Variants in GMDS observed in about 807,000 individuals in gnomAD.
The protein encoded by GMDS is GDP-mannose 4,6-dehydratase.
A neutral mutation model predicts 49.9 loss-of-function variants in GMDS; 20 were observed. That is an observed-to-expected ratio of 0.40 (90% confidence interval 0.28 to 0.58). GMDS has a LOEUF of 0.58. Among genes scored for constraint, GMDS ranks in the 20% least tolerant of loss-of-function variants. The probability of loss-of-function intolerance (pLI) is 0.42; values close to 1 mark genes in which losing one functional copy is unlikely to be tolerated. For missense variants in GMDS, 362 were observed against 481.4 expected, an observed-to-expected ratio of 0.75 and a Z score of 2.32; for synonymous variants, 177 against 178.6, an observed-to-expected ratio of 0.99 and a Z score of 0.07.
chr6:1,859,103 C>A (rs1307330005), intron 7 of GMDS, among the ~76,000 whole-genome samples: 1 of 152,124 alleles, frequency 6.6e-6, no homozygotes, highest in Non-Finnish European at 1.5e-5. Flanking sequence ...TCCAGCCAGC[C>A]CTGGCAGTAG....
At chr6:1,674,560 C>CTTTTTTTTTTTTTTTTTTTTTT (rs869292549) in intron 9 of GMDS, among the ~76,000 whole-genome samples, 2 of 73,458 alleles carry the variant, frequency 2.7e-5, no homozygotes, top group East Asian at 5.4e-4. Flanking sequence ...CTCTCTCTCT[C>CTTTTTTTTTTTTTTTTTTTTTT]TTTTTTTTTT....
chr6:1,987,839 T>A (rs1275405318), intron 4 of GMDS, among the ~76,000 whole-genome samples: 1 of 152,210 alleles, frequency 6.6e-6, no homozygotes, highest in Non-Finnish European at 1.5e-5. Context: ...GTGCTTTACA[T>A]GCACTCTGCC....
At chr6:1,858,324 C>T (rs1758030674) in intron 7 of GMDS, among the ~76,000 whole-genome samples, 1 of 152,062 alleles carries the variant, frequency 6.6e-6, no homozygotes, top group South Asian at 2.1e-4. Flanking sequence ...TGTTAAAATG[C>T]CCTAGGGAAG....
intron 7 of GMDS, among the ~76,000 whole-genome samples, chr6:1,879,590 T>C (rs1000444531): frequency 1.3e-5 from 2 of 152,202 alleles, no homozygotes; most frequent in African/African-American, 2.4e-5. Flanking sequence ...AAAGGTTTTT[T>C]TTTTTTTAAA....
chr6:1,624,336 A>G (rs1581381305), intron 10 of GMDS, 105 bp from the exon 11 acceptor site: 2 of 1,300,994 alleles, frequency 1.5e-6, no homozygotes, highest in African/African-American at 2.9e-5. Flanking sequence ...CCCTCGTTCC[A>G]GCTCCCCTCA....
chr6:2,082,720 G>T (rs776952536), intron 4 of GMDS, among the ~76,000 whole-genome samples: 4 of 152,218 alleles, frequency 2.6e-5, no homozygotes, highest in Non-Finnish European at 4.4e-5. Context: ...ATTGCACACT[G>T]TAAGAACATA....
At chr6:2,134,051 G>A (rs1266111450) in intron 1 of GMDS, among the ~76,000 whole-genome samples, 2 of 152,276 alleles carry the variant, frequency 1.3e-5, no homozygotes, top group East Asian at 1.9e-4. Flanking sequence ...CTTGTGGTGG[G>A]CGTGGAGGAA....
intron 7 of GMDS, among the ~76,000 whole-genome samples, chr6:1,813,239 A>C (rs911992171): frequency 5.7e-4 from 86 of 151,284 alleles, no homozygotes; most frequent in African/African-American, 1.7e-3. Context: ...AAAAAAAAAA[A>C]AAAAAAAAAC....
chr6:1,999,194 T>C (rs555662501), intron 4 of GMDS, among the ~76,000 whole-genome samples: 16 of 151,666 alleles, frequency 1.1e-4, no homozygotes, highest in Admixed American at 7.9e-4. Flanking sequence ...TGGTGGTGCA[T>C]GCCTGTAATT....
intron 7 of GMDS, among the ~76,000 whole-genome samples, chr6:1,917,027 C>T (rs1371143425): frequency 6.6e-6 from 1 of 152,140 alleles, no homozygotes; most frequent in African/African-American, 2.4e-5. Context: ...GTTTAGGACA[C>T]AGGGACTGGC....
At chr6:1,927,166 C>G (rs62391625) in intron 7 of GMDS, among the ~76,000 whole-genome samples, 184 of 81,376 alleles carry the variant, frequency 2.3e-3, no homozygotes, top group Non-Finnish European at 3.6e-3. Flanking sequence ...CAGAGGGTAG[C>G]GTGTTGGTGT....
intron 6 of GMDS, among the ~76,000 whole-genome samples, chr6:1,931,216 T>C (rs908889564): frequency 6.6e-6 from 1 of 152,240 alleles, no homozygotes; most frequent in Non-Finnish European, 1.5e-5. Context: ...TACCAATGAC[T>C]TTAACTATGT....
At chr6:1,912,373 T>A (rs1180251393) in intron 7 of GMDS, among the ~76,000 whole-genome samples, 3 of 152,090 alleles carry the variant, frequency 2.0e-5, no homozygotes, top group East Asian at 1.9e-4. Context: ...CTAAAAAAAA[T>A]TTTTTAAAAA....
chr6:1,878,061 C>T (rs576454952), intron 7 of GMDS, among the ~76,000 whole-genome samples: 54 of 152,206 alleles, frequency 3.5e-4, no homozygotes, highest in Admixed American at 1.2e-3. Context: ...CGCCTGTCAT[C>T]CCAGCACTCT....
intron 1 of GMDS, among the ~76,000 whole-genome samples, chr6:2,201,274 G>C (rs1370725236): frequency 7.2e-6 from 1 of 138,926 alleles, no homozygotes; most frequent in African/African-American, 2.7e-5. Flanking sequence ...GAGAGGTGAA[G>C]GATGAAGACA....
Position 2,245,554 on chromosome 6 carries a change from C to G in GMDS, c.-132G>C. ...GCGGGCAGGGAGGGAGAGCGCACCG[C>G]GCGACCGGCCGCCACAGTCTGACAG... is the stretch of plus-strand genomic sequence containing the variant. On this transcript the variant is annotated 5_prime_UTR_variant, in exon 1 of 11. Coordinates refer to ENST00000380815, the MANE Select transcript of GMDS (RefSeq NM_001500.4). 2.2e-6 allele frequency: 1 copy of G among 448,446 alleles called. No individual in the cohort carries two copies. The highest frequency in any genetic ancestry group is 3.7e-6 in the Non-Finnish European group (1 of 267,608). The allele number at this position is 448,446 out of a possible 1,614,324, so 27.8% of individuals were successfully genotyped here.
At chr6:1,639,547 C>A (rs1394546600) in intron 9 of GMDS, among the ~76,000 whole-genome samples, 2 of 152,232 alleles carry the variant, frequency 1.3e-5, no homozygotes, top group Non-Finnish European at 2.9e-5. Context: ...TGTGGACCCC[C>A]CAGGTGCAAA....
intron 7 of GMDS, among the ~76,000 whole-genome samples, chr6:1,898,021 TGCC>T (rs1760298309): frequency 8.0e-6 from 1 of 125,098 alleles, no homozygotes; most frequent in Non-Finnish European, 1.8e-5. Flanking sequence ...TGGCCTCCCT[TGCC>T]ATCCTGGACA....
At chr6:1,750,416 G>A (rs1010202072) in intron 7 of GMDS, among the ~76,000 whole-genome samples, 2 of 152,290 alleles carry the variant, frequency 1.3e-5, no homozygotes, top group South Asian at 2.1e-4. Flanking sequence ...TAGACAGTGG[G>A]TGCAGCCCAT....
Sources: gnomAD v4.1 joint callset for allele counts (sites outside exome capture counted in the v4.1 genomes callset) on GRCh38, gnomAD v4.1.1 for gene constraint, MANE v1.5 for transcripts, NCBI Gene and HGNC (gene_info 2026-07-23, HGNC 2026-07-21) for gene names.